The following CCDC57 variants were observed in gnomAD, a reference collection of about 807,000 sequenced individuals.
The protein encoded by CCDC57 is coiled-coil domain containing 57, also known as coiled-coil domain-containing protein 57.
Under a neutral mutation model 118.9 loss-of-function variants are expected in CCDC57, and 118 were observed. The observed-to-expected ratio is 0.99, with a 90% CI of 0.86 to 1.16. CCDC57 has a LOEUF of 1.16. CCDC57 is among the 50% of genes most tolerant of loss of function. The pLI is 0.00. For missense variants in CCDC57, 1,300 were observed against 1,320.7 expected (o/e 0.98, Z 0.24); for synonymous variants, 527 against 532.9 (o/e 0.99, Z 0.15).
chr17:82,126,722 C>T (rs2037486361), intron 19 of CCDC57: 1 of 985,338 alleles, frequency 1.0e-6, no homozygotes, highest in African/African-American at 1.7e-5. Flanking sequence ...CTTGACTACG[C>T]AAGCCCCTGG....
In CCDC57 at chr17:82,192,131, G is replaced by A. The variant is rs150874990; in HGVS notation, c.851+1625C>T. 2.8e-4 allele frequency among the ~76,000 whole-genome samples: 43 copies of A among 151,988 alleles called. No individual in the cohort carries two copies. The highest frequency in any genetic ancestry group is 9.2e-4 in the African/African-American group (38 of 41,458). ...CTGCCAAGTAGCTGGGATTACAGGC[G>A]TGCACCACCACGCCCGGCTAATTTT... On this transcript the variant is annotated intron_variant, in intron 7 of 19. Coordinates refer to ENST00000665763, the Ensembl canonical transcript of CCDC57. The surrounding 1 kb of genome is among the most constrained non-coding windows in gnomAD (Gnocchi z 4.0).
intron 7 of CCDC57, among the ~76,000 whole-genome samples, chr17:82,189,086 A>C (rs564338216): frequency 3.6e-4 from 55 of 152,178 alleles, no homozygotes; most frequent in African/African-American, 1.3e-3. Flanking sequence ...CCTGGGCAAT[A>C]TGGCAAAACA....
At position 82,118,931 on chromosome 17, in the gene CCDC57, G is replaced by C. The variant is rs1044504740; in HGVS notation, c.2899+8761C>G. 6.6e-6 allele frequency among the ~76,000 whole-genome samples: 1 copy of C among 151,308 alleles called. No individual in the cohort carries two copies. The highest frequency in any genetic ancestry group is 1.9e-4 in the East Asian group (1 of 5,170). ...TGGTTTGCCTTGGAGTCCCTCCCTC[G>C]CCCTGGAATGCCTGGTAGTGTGTGG... is the stretch of plus-strand genomic sequence containing the variant. On this transcript the variant is annotated intron_variant, in intron 19 of 19. Transcript: ENST00000665763. This position sits in a 1 kb window ranked among gnomAD's most constrained non-coding sequence, Gnocchi z 4.7.
At chr17:82,169,060 G>A (rs143163079) in intron 13 of CCDC57, among the ~76,000 whole-genome samples, 3 of 152,294 alleles carry the variant, frequency 2.0e-5, no homozygotes, top group African/African-American at 7.2e-5. Context: ...TTAGCTAGGG[G>A]CGATAATGCA....
intron 16 of CCDC57, among the ~76,000 whole-genome samples, chr17:82,147,275 A>T (rs28640920): frequency 0.48 from 64,852 of 134,746 alleles, 15,554 homozygotes; most frequent in East Asian, 0.88. Context: ...GGTGGATGCA[A>T]AGATAGATGA....
exon 3 of CCDC57, chr17:82,201,653 C>T (rs1296984135): frequency 6.2e-7 from 1 of 1,613,372 alleles, no homozygotes; most frequent in African/African-American, 1.3e-5. Flanking sequence ...TTAGCTGCCT[C>T]TATCTTGAGC....
At chr17:82,158,098 C>A in intron 14 of CCDC57, 150 bp from the exon 14 acceptor site, 1 of 1,431,372 alleles carries the variant, frequency 7.0e-7, no homozygotes, top group East Asian at 2.5e-5. Context: ...CAACTGCCCT[C>A]AGCCCTCTGC....
exon 14 of CCDC57, chr17:82,163,353 C>A (rs756296546): frequency 1.6e-5 from 26 of 1,613,820 alleles, no homozygotes; most frequent in Middle Eastern, 1.6e-4. Context: ...CTTGGGCAGA[C>A]CCTCCTGCAG....
intron 16 of CCDC57, among the ~76,000 whole-genome samples, chr17:82,137,678 C>G (rs1037441529): frequency 7.5e-6 from 1 of 133,436 alleles, no homozygotes; most frequent in Non-Finnish European, 1.6e-5. Flanking sequence ...GGAGACTTTT[C>G]TTTTTTTTTT....
At chr17:82,175,890 G>A (rs574725239) in intron 11 of CCDC57, among the ~76,000 whole-genome samples, 1 of 152,306 alleles carries the variant, frequency 6.6e-6, no homozygotes, top group South Asian at 2.1e-4. Flanking sequence ...CTTGGTACTG[G>A]AATGAGCTAA....
Position 82,150,701 on chromosome 17 carries a change from T to C in CCDC57, c.2455+859A>G, listed in dbSNP as rs369144750. On this transcript the variant is annotated intron_variant, in intron 16 of 19. Transcript: ENST00000665763. ...CCCGCACCTAGAACCAGGCACACAC[T>C]CAGAACCAGGCGCACACCTAGAACC... Among the ~76,000 whole-genome samples, 107 of 40,590 alleles carry C rather than the reference T, an allele frequency of 2.6e-3. 1 individual carries two copies. The highest frequency in any genetic ancestry group is 6.0e-3 in the Admixed American group (15 of 2,488). 26.6% of individuals were successfully genotyped at this position (40,590 alleles called of 152,430 possible). A position where few individuals can be genotyped will look rare whatever the true frequency, so the allele number is the denominator to read the frequency against.
chr17:82,203,102 C>T (rs2049190423), intron 2 of CCDC57, among the ~76,000 whole-genome samples: 1 of 152,188 alleles, frequency 6.6e-6, no homozygotes. Flanking sequence ...TGGGCGGACC[C>T]CTCGTGGCTT....
intron 14 of CCDC57, among the ~76,000 whole-genome samples, chr17:82,158,863 CTATTTT>C (rs1480018860): frequency 2.3e-5 from 3 of 132,820 alleles, no homozygotes; most frequent in African/African-American, 8.6e-5. Context: ...CAGCCTATTT[CTATTTT>C]TAGAGACAGG....
intron 19 of CCDC57, among the ~76,000 whole-genome samples, chr17:82,117,810 C>T (rs190457997): frequency 3.9e-5 from 6 of 152,210 alleles, no homozygotes; most frequent in Admixed American, 3.3e-4. Context: ...AGGTGCCTCA[C>T]GCCTGCAACC....
intron 16 of CCDC57, among the ~76,000 whole-genome samples, chr17:82,141,610 C>A (rs7503189): frequency 0.47 from 71,131 of 152,032 alleles, 17,438 homozygotes; most frequent in East Asian, 0.88. Context: ...ATGGAAATAA[C>A]CAAGCCATCT....
At chr17:82,171,981 A>G (rs2044802962) in intron 12 of CCDC57, 128 bp from the exon 12 acceptor site, 3 of 918,924 alleles carry the variant, frequency 3.3e-6, no homozygotes, top group Non-Finnish European at 3.4e-6. Context: ...TGTCCTCCTC[A>G]CACTACAGCT....
In CCDC57 at chr17:82,208,237, T is replaced by C. The variant is rs113922783; in HGVS notation, c.-210-189A>G. On this transcript the variant is annotated intron_variant, in intron 1 of 19. Transcript: ENST00000665763. ...TATATATATTTTTATGACCTCCATG[T>C]ATAAATATATTTAATACCCTTAACT... 7.1e-4 allele frequency among the ~76,000 whole-genome samples: 108 copies of C among 152,046 alleles called. 2 individuals are homozygous for C. Among genetic ancestry groups the C allele is most frequent in the African/African-American group, 2.3e-3 (95 of 41,460 alleles).
At chr17:82,166,917 A>G (rs374492729) in intron 13 of CCDC57, among the ~76,000 whole-genome samples, 4 of 152,242 alleles carry the variant, frequency 2.6e-5, no homozygotes, top group South Asian at 4.2e-4. Context: ...CCCTGTCTCA[A>G]AAACAACAAC....
At chr17:82,183,991 C>T (rs1022984296) in intron 8 of CCDC57, 59 bp from the exon 8 acceptor site, 81 of 1,506,926 alleles carry the variant, frequency 5.4e-5, no homozygotes, top group Non-Finnish European at 7.1e-5. Context: ...TTGTCTCTTA[C>T]ACAGCACCCC....
Sources: allele counts gnomAD v4.1 joint callset (sites outside exome capture counted in the v4.1 genomes callset), GRCh38; gene constraint gnomAD v4.1.1; non-coding constraint Gnocchi (gnomAD v3.1); transcripts MANE v1.5; gene names NCBI Gene and HGNC (gene_info 2026-07-23, HGNC 2026-07-21).